TSKS: variants seen among roughly 807,000 people sequenced by gnomAD.
The protein encoded by TSKS is testis-specific serine kinase substrate.
A neutral mutation model predicts 68.0 loss-of-function variants in TSKS; 27 were observed. That is an observed-to-expected ratio of 0.40 (90% CI 0.29 to 0.55). The LOEUF (loss-of-function observed/expected upper bound fraction) is 0.55, where lower values mean the gene tolerates loss of function less well. Among genes scored for constraint, TSKS ranks in the 20% least tolerant of loss-of-function variants. TSKS has a pLI of 0.53. For missense variants in TSKS, 806 were observed against 776.0 expected, an observed-to-expected ratio of 1.04 and a Z score of -0.46; for synonymous variants, 331 against 340.4, an observed-to-expected ratio of 0.97 and a Z score of 0.30.
intron 4 of TSKS, among the ~76,000 whole-genome samples, chr19:49,747,866 A>G (rs2084315735): frequency 6.6e-6 from 1 of 151,874 alleles, no homozygotes; most frequent in African/African-American, 2.4e-5. Context: ...CCGCCACCAC[A>G]CCTGGCTAAT....
intron 2 of TSKS, among the ~76,000 whole-genome samples, chr19:49,758,468 C>A (rs753474453): frequency 3.9e-5 from 6 of 152,186 alleles, no homozygotes; most frequent in Non-Finnish European, 7.3e-5. Context: ...TCAGGCTTCA[C>A]GATCCAGTGG....
intron 2 of TSKS, among the ~76,000 whole-genome samples, chr19:49,754,577 A>G (rs182315213): frequency 7.2e-5 from 11 of 152,276 alleles, no homozygotes; most frequent in Non-Finnish European, 8.8e-5. Flanking sequence ...ACTATGGCCT[A>G]TACAATGGAG....
chr19:49,742,457 A>G lies in TSKS; in HGVS notation c.1362-437T>C, dbSNP rs1268073721. Among the ~76,000 whole-genome samples the G allele has an allele frequency of 3.4e-5, 5 of 148,474 alleles. No homozygotes were observed. In the South Asian group the frequency reaches 8.5e-4, roughly 25 times the overall value. On this transcript the variant is annotated intron_variant, in intron 8 of 10. Transcript: ENST00000246801. ...GTGATCTGCCCACCTCGGCCTCCCA[A>G]AGTGCTGGGATTACAGGCATGAGCC...
At chr19:49,762,402 C>T (rs1275170346) in intron 1 of TSKS, among the ~76,000 whole-genome samples, 170 bp from the exon 2 acceptor site, 1 of 149,418 alleles carries the variant, frequency 6.7e-6, no homozygotes, top group Non-Finnish European at 1.5e-5. Context: ...GTGCTGCCTA[C>T]TTTCTTTCTT....
In TSKS at chr19:49,746,500, T is replaced by C; in HGVS notation, c.962A>G (p.Gln321Arg). ...CTCTTCGATGCCGGTGAACAGCTTCTGCAATTCCTGCTCGCTCACGTAGGG... is the reference window on the plus strand; with the variant it reads ...CTCTTCGATGCCGGTGAACAGCTTCCGCAATTCCTGCTCGCTCACGTAGGG... ...EGPYVSEQEL[Q>R]KLFTGIEELR... The change falls in exon 6 of 11, where the codon CAG becomes CGG. Residue 321 changes from glutamine (Q) to arginine (R), a missense_variant. By Grantham distance (43) the Gln-to-Arg change is conservative. Coordinates refer to ENST00000246801, the MANE Select transcript of TSKS (RefSeq NM_021733.2). 1.9e-6 allele frequency: 3 copies of C among 1,613,938 alleles called. No individual in the cohort carries two copies. The highest frequency in any genetic ancestry group is 2.5e-6 in the Non-Finnish European group (3 of 1,179,944).
intron 6 of TSKS, 27 bp from the exon 7 acceptor site, chr19:49,745,423 T>C (rs2084290057): frequency 6.7e-7 from 1 of 1,498,088 alleles, no homozygotes; most frequent in Non-Finnish European, 8.9e-7. Context: ...GGGGAATGGG[T>C]AGGGGCTAGG....
intron 2 of TSKS, among the ~76,000 whole-genome samples, chr19:49,758,985 A>G (rs1199413569): frequency 2.0e-5 from 3 of 151,426 alleles, no homozygotes; most frequent in Non-Finnish European, 4.4e-5. Context: ...AGCCTCCCAC[A>G]TAGCTGGGAT....
At chr19:49,745,486 ATC>A in intron 6 of TSKS, 90 bp from the exon 7 acceptor site, 1 of 1,138,022 alleles carries the variant, frequency 8.8e-7, no homozygotes, top group Non-Finnish European at 1.2e-6. Flanking sequence ...GGACTCACCT[ATC>A]TCGCCCCACT....
At chr19:49,741,789 T>A (rs1201599389) in intron 9 of TSKS, 96 bp downstream of exon 9, 2 of 1,554,284 alleles carry the variant, frequency 1.3e-6, no homozygotes, top group Non-Finnish European at 1.8e-6. Flanking sequence ...CTTCCCCTTC[T>A]GCCACACACC....
At chr19:49,745,704 C>T (rs1056479962) in intron 6 of TSKS, among the ~76,000 whole-genome samples, 16 of 152,152 alleles carry the variant, frequency 1.1e-4, no homozygotes, top group Admixed American at 1.0e-3. Context: ...CCCTACTCTG[C>T]CCCACGTGGT....
At chr19:49,756,119 C>T (rs2084390665) in intron 2 of TSKS, among the ~76,000 whole-genome samples, 1 of 152,108 alleles carries the variant, frequency 6.6e-6, no homozygotes, top group South Asian at 2.1e-4. Context: ...AAGGATTATA[C>T]ATGGTGACCA....
At chr19:49,741,134 C>A (rs967299340) in intron 9 of TSKS, among the ~76,000 whole-genome samples, 5 of 152,036 alleles carry the variant, frequency 3.3e-5, no homozygotes, top group Non-Finnish European at 7.4e-5. Context: ...GCCGAGATTG[C>A]GCCACTGCAC....
intron 8 of TSKS, among the ~76,000 whole-genome samples, chr19:49,743,086 T>G (rs1259681400): frequency 1.4e-5 from 2 of 139,868 alleles, no homozygotes; most frequent in African/African-American, 2.8e-5. Context: ...GTACTAAGTG[T>G]TTTTTTTTTT....
chr19:49,747,015 A>G, intron 5 of TSKS: 1 of 1,227,762 alleles, frequency 8.1e-7, no homozygotes, highest in Middle Eastern at 2.0e-4. Flanking sequence ...GCCTGCCTCC[A>G]GGTATCCACC....
rs201117096 is a variant in TSKS at position 49,753,890 on chromosome 19, A to AT, written c.400-5422dup. On this transcript the variant is annotated intron_variant, in intron 2 of 10. Transcript: ENST00000246801. ...ATTATGATACTTTATTTTTTATTGTATTTTTTTTTTTTGAGACAGAGTCTC... is the reference window on the plus strand; with the variant it reads ...ATTATGATACTTTATTTTTTATTGTATTTTTTTTTTTTTGAGACAGAGTCTC... Among the ~76,000 whole-genome samples, 318 of 145,208 alleles carry AT rather than the reference A, an allele frequency of 2.2e-3. 3 individuals are homozygous for AT. The highest frequency in any genetic ancestry group is 4.2e-3 in the African/African-American group (167 of 40,030).
intron 4 of TSKS, 38 bp downstream of exon 4, chr19:49,748,047 C>T (rs1277105756): frequency 6.9e-6 from 11 of 1,589,162 alleles, no homozygotes; most frequent in African/African-American, 2.7e-5. Flanking sequence ...TACTCCCATT[C>T]CCCTCTCCCC....
At chr19:49,740,897 G>A (rs1396341986) in intron 9 of TSKS, among the ~76,000 whole-genome samples, 2 of 144,056 alleles carry the variant, frequency 1.4e-5, no homozygotes, top group African/African-American at 5.2e-5. Flanking sequence ...AAAAAAAAAA[G>A]GCCGGGCGCA....
In TSKS at chr19:49,741,635, G is replaced by A. The variant is rs1232618509; in HGVS notation, c.1497+250C>T. On this transcript the variant is annotated intron_variant, in intron 9 of 10. Transcript: ENST00000246801. Reference sequence around the variant, plus strand: ...TGTCCCACAATGCACTAGATCCAACGTCCTATCATGCTTTAGGCCCAAGTC... The same window carrying A: ...TGTCCCACAATGCACTAGATCCAACATCCTATCATGCTTTAGGCCCAAGTC... 5.3e-5 allele frequency among the ~76,000 whole-genome samples: 8 copies of A among 152,064 alleles called. No homozygotes were observed. In the East Asian group the frequency reaches 5.8e-4, roughly 11 times the overall value.
intron 2 of TSKS, among the ~76,000 whole-genome samples, chr19:49,753,402 A>C (rs1195478069): frequency 1.3e-5 from 2 of 152,010 alleles, no homozygotes; most frequent in Non-Finnish European, 2.9e-5. Flanking sequence ...TCTACTAAAA[A>C]ATACAAAAAA....
Sources: gnomAD v4.1 joint callset for allele counts (sites outside exome capture counted in the v4.1 genomes callset) on GRCh38, gnomAD v4.1.1 for gene constraint, MANE v1.5 for transcripts, NCBI Gene and HGNC (gene_info 2026-07-23, HGNC 2026-07-21) for gene names.